The following EXOC2 variants were observed in gnomAD, a reference collection of about 807,000 sequenced individuals.
EXOC2 encodes SEC5-like 1.
EXOC2 carries 70 observed loss-of-function variants against 131.8 expected under a neutral mutation model. The observed-to-expected ratio is 0.53, with a 90% CI of 0.44 to 0.65. The LOEUF is 0.65. Ranked by LOEUF, EXOC2 falls within the 30% of genes least tolerant of loss-of-function variation. The pLI is 0.00. For synonymous variants in EXOC2, 411 were observed against 398.4 expected, an observed-to-expected ratio of 1.03 and a Z score of -0.38; for missense variants, 923 against 1,108.6, an observed-to-expected ratio of 0.83 and a Z score of 2.38.
At chr6:520,674 A>G (rs374882384) in intron 23 of EXOC2, among the ~76,000 whole-genome samples, 2 of 93,742 alleles carry the variant, frequency 2.1e-5, no homozygotes. Context: ...GAAAACAACC[A>G]CCCACCGAGC....
Position 564,721 on chromosome 6 carries a change from G to T in EXOC2, c.1510-19C>A, listed in dbSNP as rs1757879457. The T allele has an allele frequency of 6.3e-7, 1 of 1,585,354 alleles. No homozygotes were observed. The highest frequency in any genetic ancestry group is 8.6e-7 in the Non-Finnish European group (1 of 1,165,196). On this transcript the variant is annotated intron_variant, in intron 14 of 27. Transcript: ENST00000230449. ...TCATTTTCTAGAAAACCAGGAACAA[G>T]CATAACCGTGTTCAAATGTGATTAA...
chr6:670,581 C>G (rs1052919769), intron 1 of EXOC2, among the ~76,000 whole-genome samples: 1 of 151,944 alleles, frequency 6.6e-6, no homozygotes, highest in Non-Finnish European at 1.5e-5. Flanking sequence ...CAAATTAAAT[C>G]CACAGAATGC....
chr6:530,968 C>T (rs1356875102), intron 23 of EXOC2, among the ~76,000 whole-genome samples: 1 of 152,216 alleles, frequency 6.6e-6, no homozygotes, highest in Non-Finnish European at 1.5e-5. Flanking sequence ...TGATTTAAAG[C>T]ATACAGGAGG....
intron 17 of EXOC2, 83 bp from the exon 18 acceptor site, chr6:556,647 A>C: frequency 1.4e-6 from 2 of 1,424,368 alleles, no homozygotes; most frequent in Non-Finnish European, 9.8e-7. Context: ...ATATGGCCCC[A>C]AGCCCCACAT....
chr6:621,714 A>G (rs1454234986), intron 4 of EXOC2, among the ~76,000 whole-genome samples: 1 of 151,810 alleles, frequency 6.6e-6, no homozygotes, highest in Non-Finnish European at 1.5e-5. Context: ...TATAGTCTGA[A>G]TCCTCCCGAT....
At chr6:681,830 T>C (rs76044724) in intron 1 of EXOC2, among the ~76,000 whole-genome samples, 1,682 of 152,348 alleles carry the variant, frequency 0.011, 37 homozygotes, top group African/African-American at 0.038. Context: ...TACAGATACT[T>C]TGCTTCTCTG....
chr6:572,424 G>A, intron 13 of EXOC2, 96 bp downstream of exon 13: 3 of 1,426,540 alleles, frequency 2.1e-6, no homozygotes, highest in Non-Finnish European at 2.8e-6. Context: ...GAGATGTTGG[G>A]CCTCTACATT....
At chr6:661,841 C>T (rs1361566626) in intron 1 of EXOC2, among the ~76,000 whole-genome samples, 3 of 152,188 alleles carry the variant, frequency 2.0e-5, no homozygotes, top group African/African-American at 4.8e-5. Context: ...AAATGCTCCA[C>T]TTAAAAGATA....
At chr6:532,285 TAC>T (rs1217009997) in intron 23 of EXOC2, among the ~76,000 whole-genome samples, 182 bp downstream of exon 23, 1 of 152,212 alleles carries the variant, frequency 6.6e-6, no homozygotes, top group Non-Finnish European at 1.5e-5. Context: ...CCACTAATAA[TAC>T]AAAGTGTCCA....
intron 22 of EXOC2, among the ~76,000 whole-genome samples, chr6:540,169 C>T (rs533948578): frequency 6.4e-4 from 98 of 152,208 alleles, no homozygotes; most frequent in African/African-American, 2.2e-3. Flanking sequence ...TGGCCAGGCT[C>T]GTCTTGAACT....
Position 670,922 on chromosome 6 carries a change from A to C in EXOC2, c.-44+22097T>G, listed in dbSNP as rs533865698. On this transcript the variant is annotated intron_variant, in intron 1 of 27. Coordinates refer to ENST00000230449, the MANE Select transcript of EXOC2 (RefSeq NM_018303.6). ...AGTTGCAACTGTAGGTCAAGAAAGT[A>C]AGTCTTTTTCAGCCAGGCACAGTGG... is the stretch of plus-strand genomic sequence containing the variant. 4.6e-5 allele frequency among the ~76,000 whole-genome samples: 7 copies of C among 152,146 alleles called. No individual in the cohort carries two copies. In the East Asian group the frequency reaches 1.3e-3, roughly 29 times the overall value.
chr6:487,683 G>C (rs948244917), intron 27 of EXOC2, among the ~76,000 whole-genome samples: 6 of 152,292 alleles, frequency 3.9e-5, no homozygotes, highest in African/African-American at 1.4e-4. Context: ...GGGATTACAG[G>C]CATGAGCCAC....
At chr6:655,277 G>A (rs781079723) in intron 1 of EXOC2, among the ~76,000 whole-genome samples, 8 of 152,220 alleles carry the variant, frequency 5.3e-5, no homozygotes, top group African/African-American at 1.4e-4. Context: ...CTTGCTGAGG[G>A]CTCAGATGAG....
At chr6:671,395 CA>C (rs1763862957) in intron 1 of EXOC2, among the ~76,000 whole-genome samples, 3 of 151,848 alleles carry the variant, frequency 2.0e-5, no homozygotes, top group Admixed American at 6.6e-5. Flanking sequence ...TTTTTTAAGC[CA>C]ACAATTCATT....
chr6:576,448 A>G (rs1256985637), intron 12 of EXOC2, among the ~76,000 whole-genome samples: 1 of 152,236 alleles, frequency 6.6e-6, no homozygotes, highest in African/African-American at 2.4e-5. Flanking sequence ...AAGTTCTCAC[A>G]GAATTTTTTT....
chr6:574,529 C>G (rs771035704), intron 12 of EXOC2, among the ~76,000 whole-genome samples: 1 of 152,176 alleles, frequency 6.6e-6, no homozygotes, highest in Non-Finnish European at 1.5e-5. Flanking sequence ...TCTGTGTAGG[C>G]TATAGAGCCT....
intron 23 of EXOC2, among the ~76,000 whole-genome samples, chr6:504,971 T>C (rs1651203796): frequency 6.6e-6 from 1 of 152,200 alleles, no homozygotes; most frequent in African/African-American, 2.4e-5. Flanking sequence ...GCATAATGAC[T>C]AGAAACAGCA....
intron 2 of EXOC2, among the ~76,000 whole-genome samples, chr6:636,775 A>G (rs1762120876): frequency 6.6e-6 from 1 of 152,212 alleles, no homozygotes; most frequent in Non-Finnish European, 1.5e-5. Context: ...TTCTGAATGC[A>G]TCTGTATACC....
At chr6:488,608 G>A (rs1462183469) in intron 27 of EXOC2, among the ~76,000 whole-genome samples, 1 of 151,608 alleles carries the variant, frequency 6.6e-6, no homozygotes, top group Non-Finnish European at 1.5e-5. Flanking sequence ...ACCGACTCCT[G>A]CATTTTACTA....
Sources: gnomAD v4.1 joint callset for allele counts (sites outside exome capture counted in the v4.1 genomes callset) on GRCh38, gnomAD v4.1.1 for gene constraint, MANE v1.5 for transcripts, NCBI Gene and HGNC (gene_info 2026-07-23, HGNC 2026-07-21) for gene names.